LRRC53: variants seen among roughly 807,000 people sequenced by gnomAD.
LRRC53 encodes the protein leucine rich repeat containing 53.
Under a neutral mutation model 13.6 loss-of-function variants are expected in LRRC53, and 25 were observed. That is an observed-to-expected ratio of 1.83 (90% CI 1.34 to 2.56). LRRC53 has a LOEUF of 2.56. LRRC53 is among the 30% of genes most tolerant of loss of function. The pLI is 0.00. For synonymous variants in LRRC53, 204 were observed against 109.8 expected (o/e 1.86, Z -5.37); for missense variants, 527 against 275.8 (o/e 1.91, Z -6.45).
upstream of LRRC53, among the ~76,000 whole-genome samples, chr1:74,515,345 C>A (rs375306409): frequency 5.3e-5 from 8 of 152,174 alleles, no homozygotes; most frequent in East Asian, 1.5e-3. Flanking sequence ...TGGGACTATG[C>A]GGAAAACCCA....
chr1:74,491,640 C>T (rs554720992), intron 1 of LRRC53, among the ~76,000 whole-genome samples: 2 of 152,218 alleles, frequency 1.3e-5, no homozygotes, highest in African/African-American at 2.4e-5. Context: ...AAGCATTTTT[C>T]GTCTTATAAA....
intron 1 of LRRC53, among the ~76,000 whole-genome samples, chr1:74,489,833 T>C (rs1668962716): frequency 6.6e-6 from 1 of 152,022 alleles, no homozygotes; most frequent in Non-Finnish European, 1.5e-5. Flanking sequence ...TTCAAAATAA[T>C]CGAGGGAGCT....
Position 74,480,147 on chromosome 1 carries a change from G to C in LRRC53, c.904+6C>G. 1 of 713,166 alleles carries C rather than the reference G, an allele frequency of 1.4e-6. No individual in the cohort carries two copies. Among genetic ancestry groups the C allele is most frequent in the South Asian group, 1.5e-5 (1 of 67,108 alleles). 44.2% of individuals were successfully genotyped at this position (713,166 alleles called of 1,614,324 possible). The stretch of plus-strand genomic sequence containing the variant: ...AAAGAGGAGGGCACACTTCTCCCCG[G>C]CATACCTGCGAAGCCAAGGACAGTC... On this transcript the variant is annotated splice_donor_region_variant and intron_variant, in intron 3 of 4. Coordinates refer to ENST00000294635, the MANE Select transcript of LRRC53 (RefSeq NM_001382280.1).
intron 1 of LRRC53, among the ~76,000 whole-genome samples, chr1:74,503,026 T>C (rs1454174440): frequency 6.6e-6 from 1 of 152,236 alleles, no homozygotes; most frequent in Non-Finnish European, 1.5e-5. Flanking sequence ...GCATGATTTC[T>C]TTATGGAACT....
chr1:74,480,491 G>A lies in LRRC53; in HGVS notation c.566C>T (p.Ser189Phe), dbSNP rs1371202555. The change falls in exon 3 of 5, where the codon TCC becomes TTC. Residue 189 changes from serine (S) to phenylalanine (F), a missense_variant. Physicochemically the swap from Ser to Phe is radical, Grantham distance 155 (BLOSUM62 -2). Transcript: ENST00000294635. ...PLPQLQEVDL[S>F]RNRLAHMPDV... ...CGGCATGTGGGCTAACCTATTTCGGGAAAGGTCCACTTCCTGTAGTTGAGG... is the reference window on the plus strand; with the variant it reads ...CGGCATGTGGGCTAACCTATTTCGGAAAAGGTCCACTTCCTGTAGTTGAGG... The A allele has an allele frequency of 2.8e-6, 2 of 717,504 alleles. No homozygotes were observed. Among genetic ancestry groups the A allele is most frequent in the Non-Finnish European group, 5.2e-6 (2 of 385,096 alleles). The allele number at this position is 717,504 out of a possible 1,614,324, so 44.4% of individuals were successfully genotyped here.
At chr1:74,530,082 G>C in the LRRC53 span, among the ~76,000 whole-genome samples, 117 of 152,174 alleles carry the variant, frequency 7.7e-4, 1 homozygote, top group South Asian at 3.3e-3. Context: ...CTACTGCCTT[G>C]GCCTCCCAAA....
chr1:74,514,014 C>T (rs1383090503), upstream of LRRC53, among the ~76,000 whole-genome samples: 2 of 152,162 alleles, frequency 1.3e-5, no homozygotes, highest in Non-Finnish European at 2.9e-5. Context: ...GCCTCTCTCT[C>T]CCTTGAAAAG....
At position 74,480,976 on chromosome 1, in the gene LRRC53, G is replaced by GA. The variant is rs1347733638; in HGVS notation, c.89-9dup. 5.7e-6 allele frequency: 4 copies of GA among 699,326 alleles called. No homozygotes were observed. Among genetic ancestry groups the GA allele is most frequent in the East Asian group, 2.7e-5 (1 of 37,216 alleles). The allele number at this position is 699,326 out of a possible 1,614,324, so 43.3% of individuals were successfully genotyped here. On this transcript the variant is annotated splice_polypyrimidine_tract_variant and intron_variant, in intron 2 of 4. Coordinates refer to ENST00000294635, the MANE Select transcript of LRRC53 (RefSeq NM_001382280.1). ...TCGTGGTCATAGGGGCTGCTGTGGG[G>GA]AAAAAAGCACAGACTAGATGCAGGG...
chr1:74,477,830 C>A (rs966351918), intron 3 of LRRC53, among the ~76,000 whole-genome samples: 1 of 152,098 alleles, frequency 6.6e-6, no homozygotes, highest in Non-Finnish European at 1.5e-5. Context: ...GGCATTGTTT[C>A]TATTTTTAAA....
chr1:74,489,203 T>C lies in LRRC53; in HGVS notation c.-26-5828A>G, dbSNP rs1054250653. 2 of 1,611,408 alleles carry C rather than the reference T, an allele frequency of 1.2e-6. No individual in the cohort carries two copies. The highest frequency in any genetic ancestry group is 1.7e-6 in the Non-Finnish European group (2 of 1,178,922). On this transcript the variant is annotated intron_variant, in intron 1 of 4. Transcript: ENST00000294635. Reference sequence around the variant, plus strand: ...TCTATTTACAGGGAAGACCCGAATTTTCTGAAGTTGTCATGAAGTTAGAAG... The same window carrying C: ...TCTATTTACAGGGAAGACCCGAATTCTCTGAAGTTGTCATGAAGTTAGAAG...
At chr1:74,525,991 C>T in the LRRC53 span, among the ~76,000 whole-genome samples, 1 of 152,168 alleles carries the variant, frequency 6.6e-6, no homozygotes. Context: ...GAGAGGAAAG[C>T]TTTGGTGTTG....
At chr1:74,508,140 G>A (rs987400150) in intron 1 of LRRC53, among the ~76,000 whole-genome samples, 5 of 152,198 alleles carry the variant, frequency 3.3e-5, no homozygotes, top group African/African-American at 9.6e-5. Flanking sequence ...TCTTGCAAAA[G>A]GTGGCCTTGC....
chr1:74,486,201 A>AGAGAGAGAG (rs1668751420), intron 1 of LRRC53, among the ~76,000 whole-genome samples: 10 of 136,516 alleles, frequency 7.3e-5, no homozygotes, highest in South Asian at 2.5e-4. Context: ...AAATGCTATA[A>AGAGAGAGAG]AGAGAGAGAG....
intron 2 of LRRC53, among the ~76,000 whole-genome samples, 162 bp downstream of exon 2, chr1:74,483,100 A>C (rs1370745112): frequency 6.6e-6 from 1 of 152,240 alleles, no homozygotes; most frequent in Non-Finnish European, 1.5e-5. Flanking sequence ...CAGGAACAGG[A>C]AAATAAAATA....
At position 74,489,223 on chromosome 1, in the gene LRRC53, T is replaced by TA. The variant is rs754423974; in HGVS notation, c.-26-5849dup. On this transcript the variant is annotated intron_variant, in intron 1 of 4. Coordinates refer to ENST00000294635, the MANE Select transcript of LRRC53 (RefSeq NM_001382280.1). ...GAATTTTCTGAAGTTGTCATGAAGT[T>TA]AGAAGAGTGTCTCTGCAACATTGAG... 5.4e-4 allele frequency: 878 copies of TA among 1,612,326 alleles called. No homozygotes were observed. Among genetic ancestry groups the TA allele is most frequent in the Non-Finnish European group, 7.0e-4 (821 of 1,179,264 alleles).
chr1:74,480,069 G>T, intron 3 of LRRC53, 84 bp downstream of exon 3: 1 of 626,818 alleles, frequency 1.6e-6, no homozygotes. Flanking sequence ...GCAACCAAGT[G>T]TCTGAGATAA....
chr1:74,512,938 C>T (rs559916070), upstream of LRRC53, among the ~76,000 whole-genome samples: 56 of 152,282 alleles, frequency 3.7e-4, 1 homozygote, highest in Middle Eastern at 0.017. Context: ...GTCCCTCATC[C>T]GGGTAAATGG....
rs146032659 is a variant in LRRC53 at position 74,499,124 on chromosome 1, A to C, written c.-27+13402T>G. ...TGCAGGTGCGTGCACACTGGGTTAC[A>C]AGGGACAACCAGCATGCATTTCCCT... is the stretch of plus-strand genomic sequence containing the variant. On this transcript the variant is annotated intron_variant, in intron 1 of 4. Transcript: ENST00000294635. 2.4e-3 allele frequency among the ~76,000 whole-genome samples: 373 copies of C among 152,306 alleles called. 4 individuals carry two copies. The highest frequency in any genetic ancestry group is 8.5e-3 in the African/African-American group (354 of 41,574).
At chr1:74,535,326 C>T in the LRRC53 span, among the ~76,000 whole-genome samples, 1 of 152,160 alleles carries the variant, frequency 6.6e-6, no homozygotes, top group Middle Eastern at 3.4e-3. Flanking sequence ...AAAAAATTAG[C>T]CAGGCATGGT....
Sources: allele counts gnomAD v4.1 joint callset (sites outside exome capture counted in the v4.1 genomes callset), GRCh38; gene constraint gnomAD v4.1.1; transcripts MANE v1.5; gene names NCBI Gene and HGNC (gene_info 2026-07-23, HGNC 2026-07-21).